The following ZNF610 variants were observed in gnomAD, a reference collection of about 807,000 sequenced individuals.
The protein encoded by ZNF610 is zink finger protein.
A neutral mutation model predicts 14.1 loss-of-function variants in ZNF610; 14 were observed. That is an observed-to-expected ratio of 0.99 (90% CI 0.65 to 1.55). ZNF610 has a LOEUF of 1.55. Among genes scored for constraint, ZNF610 ranks in the 40% most tolerant of loss-of-function variants. The pLI is 0.00. For missense variants in ZNF610, 530 were observed against 558.0 expected, an observed-to-expected ratio of 0.95 and a Z score of 0.51; for synonymous variants, 185 against 187.6, an observed-to-expected ratio of 0.99 and a Z score of 0.11.
upstream of ZNF610, among the ~76,000 whole-genome samples, chr19:52,334,774 C>A (rs1262036992): frequency 6.6e-6 from 1 of 151,846 alleles, no homozygotes; most frequent in Non-Finnish European, 1.5e-5. Context: ...ACTAAAAATA[C>A]AAAAATTAGC....
At chr19:52,333,673 A>C (rs555265754), upstream of ZNF610, among the ~76,000 whole-genome samples, 2 of 152,364 alleles carry the variant, frequency 1.3e-5, no homozygotes, top group East Asian at 3.9e-4. Flanking sequence ...TGAATTAGTT[A>C]AAGAGTAATT....
upstream of ZNF610, among the ~76,000 whole-genome samples, chr19:52,333,273 A>G (rs1440536598): frequency 6.6e-6 from 1 of 152,262 alleles, no homozygotes; most frequent in East Asian, 1.9e-4. Flanking sequence ...TGCGCAGCCA[A>G]GCAGGCAGTA....
chr19:52,359,662 C>T (rs376495925), intron 5 of ZNF610, among the ~76,000 whole-genome samples: 8 of 152,136 alleles, frequency 5.3e-5, no homozygotes, highest in East Asian at 3.9e-4. Context: ...ATAAGACTTC[C>T]GTGACCGACG....
chr19:52,354,812 C>T (rs1273340434), intron 5 of ZNF610, among the ~76,000 whole-genome samples: 2 of 151,978 alleles, frequency 1.3e-5, no homozygotes, highest in African/African-American at 4.8e-5. Flanking sequence ...CTCCTGACCT[C>T]AAGTGATCTG....
chr19:52,355,941 G>A lies in ZNF610; in HGVS notation c.319+1562G>A, dbSNP rs567010851. Among the ~76,000 whole-genome samples the A allele has an allele frequency of 1.6e-3, 250 of 152,308 alleles. 3 individuals carry two copies. The highest frequency in any genetic ancestry group is 1.5e-3 in the Non-Finnish European group (104 of 68,022). On this transcript the variant is annotated intron_variant, in intron 5 of 5. Transcript: ENST00000403906. ...TCACGAGCGGCTTCATCACGTAGGC[G>A]TGATTGATATTAACTCAATCTCCAG...
At chr19:52,334,504 C>A (rs1312449340), upstream of ZNF610, among the ~76,000 whole-genome samples, 1 of 151,858 alleles carries the variant, frequency 6.6e-6, no homozygotes, top group Non-Finnish European at 1.5e-5. Flanking sequence ...TGGAGTGAGA[C>A]TTTGTCTCAA....
chr19:52,335,641 G>T (rs201666150), upstream of ZNF610, among the ~76,000 whole-genome samples: 1 of 152,054 alleles, frequency 6.6e-6, no homozygotes. Context: ...ACACTAGACG[G>T]GCTTAACCTC....
At chr19:52,362,802 A>G (rs11667184) in intron 5 of ZNF610, among the ~76,000 whole-genome samples, 2 of 151,978 alleles carry the variant, frequency 1.3e-5, no homozygotes, top group African/African-American at 4.8e-5. Flanking sequence ...TGTTTAAAAG[A>G]TTGTTTTGTG....
At chr19:52,347,085 C>G (rs1378399894) in intron 1 of ZNF610, 2 of 152,200 alleles carry the variant, frequency 1.3e-5, no homozygotes, top group African/African-American at 4.8e-5. Flanking sequence ...TGCCTTCTCT[C>G]CTAGAAGAGC....
intron 1 of ZNF610, among the ~76,000 whole-genome samples, chr19:52,346,053 T>G (rs1334870103): frequency 6.6e-6 from 1 of 151,038 alleles, no homozygotes; most frequent in Non-Finnish European, 1.5e-5. Context: ...GGCTGGAATG[T>G]AGTAGTGTGA....
chr19:52,348,547 G>T (rs1985077906), intron 2 of ZNF610, among the ~76,000 whole-genome samples: 1 of 152,012 alleles, frequency 6.6e-6, no homozygotes, highest in African/African-American at 2.4e-5. Context: ...CCACTTTTGG[G>T]GTACCTCAGT....
At chr19:52,346,792 C>T (rs566532339) in intron 1 of ZNF610, among the ~76,000 whole-genome samples, 7 of 151,840 alleles carry the variant, frequency 4.6e-5, no homozygotes, top group South Asian at 2.1e-4. Context: ...TACAGTGGTG[C>T]GGTCTCGGCT....
chr19:52,340,198 C>T (rs1472968471), intron 1 of ZNF610, among the ~76,000 whole-genome samples: 1 of 152,072 alleles, frequency 6.6e-6, no homozygotes, highest in African/African-American at 2.4e-5. Flanking sequence ...GTCAGGAGTT[C>T]GAGACTAGCC....
chr19:52,342,472 T>C (rs1410662408), intron 1 of ZNF610, among the ~76,000 whole-genome samples: 1 of 152,078 alleles, frequency 6.6e-6, no homozygotes, highest in African/African-American at 2.4e-5. Flanking sequence ...CCCTCTTCTT[T>C]TTTCTTGGCT....
At position 52,366,600 on chromosome 19, in the gene ZNF610, G is replaced by A. The variant is rs775218061; in HGVS notation, c.1222G>A (p.Val408Ile). 1.9e-6 allele frequency: 3 copies of A among 1,614,044 alleles called. No homozygotes were observed. Among genetic ancestry groups the A allele is most frequent in the East Asian group, 2.2e-5 (1 of 44,888 alleles). ...TTACAAATGTAATGAATGTGACAAA[G>A]TCTTTGGGCGCAAATTATACCTAAC... is the stretch of plus-strand genomic sequence containing the variant. Reference protein sequence around the residue: ...KPYKCNECDKVFGRKLYLTNH... With the variant: ...KPYKCNECDKIFGRKLYLTNH... The change falls in exon 6 of 6, where the codon GTC becomes ATC. Residue 408 changes from valine (V) to isoleucine (I), a missense_variant. By Grantham distance (29) the Val-to-Ile change is conservative. Coordinates refer to ENST00000403906, the MANE Select transcript of ZNF610 (RefSeq NM_001161425.2).
intron 3 of ZNF610, among the ~76,000 whole-genome samples, chr19:52,350,036 T>C (rs962759983): frequency 6.6e-6 from 1 of 152,204 alleles, no homozygotes; most frequent in Non-Finnish European, 1.5e-5. Flanking sequence ...TTTCTCAGCA[T>C]GCCCCTCCCA....
intron 5 of ZNF610, among the ~76,000 whole-genome samples, chr19:52,354,727 T>A (rs1002424239): frequency 8.6e-5 from 13 of 151,786 alleles, no homozygotes; most frequent in African/African-American, 3.1e-4. Flanking sequence ...TACAGGCATG[T>A]GTCACCACAC....
chr19:52,358,042 T>C (rs2122260694), intron 5 of ZNF610, among the ~76,000 whole-genome samples: 1 of 152,330 alleles, frequency 6.6e-6, no homozygotes, highest in East Asian at 1.9e-4. Context: ...TATTATATAA[T>C]GAAGTTACAT....
At chr19:52,351,836 G>A (rs1985268775) in intron 3 of ZNF610, among the ~76,000 whole-genome samples, 1 of 152,206 alleles carries the variant, frequency 6.6e-6, no homozygotes. Context: ...TGTCCCTCAG[G>A]AGAAATCTGG....
Sources: gnomAD v4.1 joint callset for allele counts (sites outside exome capture counted in the v4.1 genomes callset) on GRCh38, gnomAD v4.1.1 for gene constraint, MANE v1.5 for transcripts, NCBI Gene and HGNC (gene_info 2026-07-23, HGNC 2026-07-21) for gene names.